ANAPC7: variants seen among roughly 807,000 people sequenced by gnomAD.
The protein encoded by ANAPC7 is anaphase-promoting complex subunit 7.
A neutral mutation model predicts 63.3 loss-of-function variants in ANAPC7; 25 were observed. The ratio of observed to expected loss-of-function variants is 0.39; its 90% confidence interval spans 0.29 to 0.55. The LOEUF (loss-of-function observed/expected upper bound fraction) is 0.55. ANAPC7 is among the 20% of genes least tolerant of loss of function. ANAPC7 has a pLI of 0.57. For missense variants in ANAPC7, 516 were observed against 691.7 expected (o/e 0.75, Z 2.85); for synonymous variants, 241 against 251.7 (o/e 0.96, Z 0.40).
In ANAPC7 at chr12:110,387,919, A is replaced by T. The variant is rs971947914; in HGVS notation, c.521-27T>A. On this transcript the variant is annotated intron_variant, in intron 4 of 10. Transcript: ENST00000455511. Reference sequence around the variant, plus strand: ...TAAACCAACAGAAAGCAGAAGAAAGAAAGTAAGGCACGATATCTCTCTTCC... The same window carrying T: ...TAAACCAACAGAAAGCAGAAGAAAGTAAGTAAGGCACGATATCTCTCTTCC... 5.0e-6 allele frequency: 8 copies of T among 1,610,218 alleles called. No homozygotes were observed. In the East Asian group the frequency reaches 6.7e-5, roughly 13 times the overall value.
Position 110,390,513 on chromosome 12 carries a change from A to G in ANAPC7, c.409-1890T>C, listed in dbSNP as rs531634957. ...GGCTTGGTATGCCAGATATTTATAG[A>G]AAGAGTGGCTCTAAAGATAAAGAAC... On this transcript the variant is annotated intron_variant, in intron 3 of 10. Transcript: ENST00000455511. 9.8e-5 allele frequency among the ~76,000 whole-genome samples: 15 copies of G among 152,350 alleles called. No homozygotes were observed. In the South Asian group the frequency reaches 2.9e-3, roughly 29 times the overall value.
intron 1 of ANAPC7, 33 bp downstream of exon 1, chr12:110,403,494 C>T: frequency 1.9e-6 from 3 of 1,556,374 alleles, no homozygotes; most frequent in Non-Finnish European, 1.7e-6. Flanking sequence ...CCGCTTTCTC[C>T]TCAGCCCCAG....
chr12:110,395,283 C>T (rs1263218159), intron 2 of ANAPC7, 63 bp from the exon 3 acceptor site: 42 of 1,500,422 alleles, frequency 2.8e-5, no homozygotes, highest in South Asian at 1.2e-4. Flanking sequence ...TTCTTCAAAA[C>T]GTTAAACATA....
chr12:110,381,405 T>C (rs969854922), intron 8 of ANAPC7, among the ~76,000 whole-genome samples: 4 of 152,068 alleles, frequency 2.6e-5, no homozygotes, highest in Non-Finnish European at 4.4e-5. Context: ...GGCGCAATCT[T>C]GGCTCACTGC....
At chr12:110,384,684 A>C (rs1380785695) in intron 6 of ANAPC7, among the ~76,000 whole-genome samples, 1 of 128,390 alleles carries the variant, frequency 7.8e-6, no homozygotes, top group African/African-American at 2.9e-5. Context: ...ACAAAAAAAA[A>C]ACAAAAAAAA....
rs758443883 is a variant in ANAPC7 at position 110,384,696 on chromosome 12, C to CA, written c.817+1630dup. 1.0e-3 allele frequency among the ~76,000 whole-genome samples: 156 copies of CA among 148,774 alleles called. 1 individual carries two copies. The highest frequency in any genetic ancestry group is 1.6e-3 in the Non-Finnish European group (107 of 67,030). ...CTCACAAAAAAAAAACAAAAAAAAA[C>CA]AAAAAAAACAAAAAACCAAAGGAGC... On this transcript the variant is annotated intron_variant, in intron 6 of 10. Coordinates refer to ENST00000455511, the MANE Select transcript of ANAPC7 (RefSeq NM_016238.3).
intron 1 of ANAPC7, among the ~76,000 whole-genome samples, chr12:110,399,303 A>AG (rs939082181): frequency 6.7e-6 from 1 of 149,962 alleles, no homozygotes; most frequent in Non-Finnish European, 1.5e-5. Flanking sequence ...TACAGGCGTG[A>AG]GCCACTGCGC....
chr12:110,382,455 A>ACATATATATATATATATATATAT (rs1306028353), intron 7 of ANAPC7, among the ~76,000 whole-genome samples: 1 of 70,492 alleles, frequency 1.4e-5, no homozygotes, highest in Non-Finnish European at 2.7e-5. Context: ...AAAAAAAAAA[A>ACATATATATATATATATATATAT]AAAAAAATAT....
intron 1 of ANAPC7, among the ~76,000 whole-genome samples, chr12:110,402,291 T>C (rs1463494405): frequency 6.6e-6 from 1 of 151,822 alleles, no homozygotes; most frequent in African/African-American, 2.4e-5. Context: ...ATATTTGCCT[T>C]CAGAGGCCAT....
chr12:110,403,377 G>T, intron 1 of ANAPC7, 150 bp downstream of exon 1: 1 of 832,270 alleles, frequency 1.2e-6, no homozygotes, highest in African/African-American at 1.7e-5. Flanking sequence ...TCCGAAGTCT[G>T]CTCCGCTCCA....
chr12:110,400,880 C>T (rs1367907904), intron 1 of ANAPC7, among the ~76,000 whole-genome samples: 1 of 148,456 alleles, frequency 6.7e-6, no homozygotes, highest in African/African-American at 2.5e-5. Flanking sequence ...AACCCCATCT[C>T]TATTAAAAAA....
intron 1 of ANAPC7, among the ~76,000 whole-genome samples, chr12:110,399,327 A>G (rs1250606474): frequency 2.6e-5 from 4 of 151,604 alleles, no homozygotes; most frequent in African/African-American, 9.7e-5. Flanking sequence ...GCCGAGTCGA[A>G]TAATTCTGTA....
intron 3 of ANAPC7, among the ~76,000 whole-genome samples, chr12:110,389,549 C>T (rs983684465): frequency 6.6e-6 from 1 of 152,214 alleles, no homozygotes; most frequent in African/African-American, 2.4e-5. Flanking sequence ...TGAGTGCAGA[C>T]AGCTGCATTT....
chr12:110,399,940 G>A (rs755751593), intron 1 of ANAPC7, among the ~76,000 whole-genome samples: 3 of 151,654 alleles, frequency 2.0e-5, no homozygotes, highest in Admixed American at 6.6e-5. Context: ...CTAAAAATAC[G>A]AAAATTAGCC....
chr12:110,376,426 G>A (rs1016952218), intron 9 of ANAPC7, among the ~76,000 whole-genome samples: 5 of 151,606 alleles, frequency 3.3e-5, no homozygotes, highest in Non-Finnish European at 7.4e-5. Flanking sequence ...AAAATTAGCC[G>A]GGCTTGGTGG....
In ANAPC7 at chr12:110,396,461, C is replaced by CA. The variant is rs773448071; in HGVS notation, c.102-10dup. 3.8e-6 allele frequency: 6 copies of CA among 1,584,694 alleles called. No individual in the cohort carries two copies. The highest frequency in any genetic ancestry group is 5.1e-6 in the Non-Finnish European group (6 of 1,169,076). On this transcript the variant is annotated splice_polypyrimidine_tract_variant and intron_variant, in intron 1 of 10. Coordinates refer to ENST00000455511, the MANE Select transcript of ANAPC7 (RefSeq NM_016238.3). ...GTGGGGAGAATAACTCACTAGAAAACAAGAGAAAATGTAATACATCTTTTC... is the reference window on the plus strand; with the variant it reads ...GTGGGGAGAATAACTCACTAGAAAACAAAGAGAAAATGTAATACATCTTTTC...
In ANAPC7 at chr12:110,381,287, G is replaced by T. The variant is rs1881818967; in HGVS notation, c.1132+465C>A. On this transcript the variant is annotated intron_variant, in intron 8 of 10. Coordinates refer to ENST00000455511, the MANE Select transcript of ANAPC7 (RefSeq NM_016238.3). Reference sequence around the variant, plus strand: ...CATGTATTTCCATCTACACTGGAGAGACCCAACGTCAGGATATTGAAAAGC... The same window carrying T: ...CATGTATTTCCATCTACACTGGAGATACCCAACGTCAGGATATTGAAAAGC... Among the ~76,000 whole-genome samples, 3 of 152,014 alleles carry T rather than the reference G, an allele frequency of 2.0e-5. No individual in the cohort carries two copies. In the South Asian group the frequency reaches 6.2e-4, roughly 31 times the overall value.
intron 7 of ANAPC7, among the ~76,000 whole-genome samples, chr12:110,382,222 G>T (rs951565157): frequency 6.6e-6 from 1 of 151,056 alleles, no homozygotes; most frequent in African/African-American, 2.4e-5. Context: ...GAGGCATTCA[G>T]AGAATTTGTA....
chr12:110,387,367 C>CAGAGAGAGAGAGACAGAGAGAGAGAG (rs1882671019), intron 5 of ANAPC7: 1 of 14,548 alleles, frequency 6.9e-5, no homozygotes, highest in Non-Finnish European at 1.1e-4. Context: ...GAGAGAGAGA[C>CAGAGAGAGAGAGACAGAGAGAGAGAG]AGAGAGAGAG....
Sources: allele counts gnomAD v4.1 joint callset (sites outside exome capture counted in the v4.1 genomes callset), GRCh38; gene constraint gnomAD v4.1.1; transcripts MANE v1.5; gene names NCBI Gene and HGNC (gene_info 2026-07-23, HGNC 2026-07-21).